EYS: variants seen among roughly 807,000 people sequenced by gnomAD.
EYS encodes EGF-like photoreceptor maintenance factor.
In EYS, 250 loss-of-function variants were observed where a neutral mutation model predicts 282.1. The ratio of observed to expected loss-of-function variants is 0.89; its 90% CI spans 0.80 to 0.98. The LOEUF is 0.98. Ranked by LOEUF, EYS falls within the 50% of genes least tolerant of loss-of-function variation. EYS has a pLI of 0.00. For synonymous variants in EYS, 1,355 were observed against 1,282.9 expected (o/e 1.06, Z -1.20); for missense variants, 4,016 against 3,709.0 (o/e 1.08, Z -2.15).
chr6:64,642,102 T>C (rs1462208544), intron 22 of EYS, among the ~76,000 whole-genome samples: 5 of 152,190 alleles, frequency 3.3e-5, no homozygotes, highest in African/African-American at 1.2e-4. Context: ...CTTGATGGCA[T>C]CATCAAGCTG....
chr6:65,117,773 A>C (rs1015830265), intron 12 of EYS, among the ~76,000 whole-genome samples: 11 of 152,240 alleles, frequency 7.2e-5, no homozygotes, highest in African/African-American at 2.2e-4. Flanking sequence ...CCAAGGAAGA[A>C]TCTGACATAA....
rs570342382 is a variant in EYS at position 65,174,822 on chromosome 6, A to G, written c.2024-117095T>C. On this transcript the variant is annotated intron_variant, in intron 12 of 42. Transcript: ENST00000503581. ...TTACATTTGTATGTATTATAATATG[A>G]TAATACATATCACATTTAACTCATA... Among the ~76,000 whole-genome samples the G allele has an allele frequency of 7.0e-4, 106 of 151,410 alleles. 1 individual carries two copies. The highest frequency in any genetic ancestry group is 2.2e-4 in the Non-Finnish European group (15 of 67,514).
intron 22 of EYS, among the ~76,000 whole-genome samples, chr6:64,695,906 C>A (rs1418993813): frequency 6.6e-6 from 1 of 151,968 alleles, no homozygotes; most frequent in African/African-American, 2.4e-5. Flanking sequence ...GTGACTCTTC[C>A]CACATATGCA....
intron 5 of EYS, among the ~76,000 whole-genome samples, chr6:65,459,742 G>A (rs1323129827): frequency 6.6e-6 from 1 of 150,852 alleles, no homozygotes; most frequent in Non-Finnish European, 1.5e-5. Flanking sequence ...CTGTTTACAT[G>A]GAGAGACAAA....
At chr6:65,332,549 AG>A (rs1769834555) in intron 11 of EYS, 1 of 723,816 alleles carries the variant, frequency 1.4e-6, no homozygotes, top group South Asian at 1.8e-5. Flanking sequence ...TGGTATACAG[AG>A]GGTTTATAGT....
chr6:64,955,488 C>A (rs1053669092), intron 14 of EYS, among the ~76,000 whole-genome samples: 1 of 152,074 alleles, frequency 6.6e-6, no homozygotes, highest in African/African-American at 2.4e-5. Flanking sequence ...CACACTGGCA[C>A]CACCCTTGTG....
chr6:64,876,624 G>A (rs184632339), intron 19 of EYS, among the ~76,000 whole-genome samples: 1 of 152,082 alleles, frequency 6.6e-6, no homozygotes, highest in South Asian at 2.1e-4. Flanking sequence ...GACTTATTAG[G>A]AAGTGCTAAT....
chr6:64,260,213 C>G (rs1276225574), intron 30 of EYS, among the ~76,000 whole-genome samples: 1 of 152,032 alleles, frequency 6.6e-6, no homozygotes, highest in Admixed American at 6.6e-5. Context: ...GTTTCGCTAT[C>G]TTAAACACAG....
At chr6:65,641,642 C>G (rs554546479) in intron 1 of EYS, among the ~76,000 whole-genome samples, 4 of 152,168 alleles carry the variant, frequency 2.6e-5, no homozygotes, top group Non-Finnish European at 5.9e-5. Flanking sequence ...GTCTGTACTG[C>G]GTACTGTTTT....
At chr6:64,404,975 A>T (rs1450715013) in intron 28 of EYS, among the ~76,000 whole-genome samples, 1 of 151,948 alleles carries the variant, frequency 6.6e-6, no homozygotes, top group Non-Finnish European at 1.5e-5. Flanking sequence ...TAACACTCTT[A>T]TTTATTTTAT....
chr6:64,222,256 CAAGT>C (rs766570419), intron 31 of EYS, among the ~76,000 whole-genome samples: 3 of 151,774 alleles, frequency 2.0e-5, no homozygotes, highest in Non-Finnish European at 4.4e-5. Context: ...ATTGTATTTA[CAAGT>C]AAGGGCATGA....
intron 2 of EYS, among the ~76,000 whole-genome samples, chr6:65,566,859 C>A (rs1401604510): frequency 6.6e-6 from 1 of 152,030 alleles, no homozygotes; most frequent in East Asian, 1.9e-4. Context: ...ACAGAAAGTA[C>A]AAAATTACAA....
intron 39 of EYS, among the ~76,000 whole-genome samples, chr6:63,781,534 G>A (rs1346273823): frequency 6.6e-6 from 1 of 152,028 alleles, no homozygotes; most frequent in African/African-American, 2.4e-5. Flanking sequence ...GTTCACTCAT[G>A]ATTTGGCTCT....
At chr6:65,673,701 C>T (rs1355673890) in intron 1 of EYS, among the ~76,000 whole-genome samples, 1 of 151,950 alleles carries the variant, frequency 6.6e-6, no homozygotes, top group Non-Finnish European at 1.5e-5. Context: ...GCCTGAGAAA[C>T]TGCTTGGGTG....
chr6:63,860,813 G>A (rs1166805566), intron 36 of EYS, among the ~76,000 whole-genome samples: 3 of 152,160 alleles, frequency 2.0e-5, no homozygotes, highest in African/African-American at 7.2e-5. Context: ...TCAGGGTATG[G>A]TACTGGCATT....
intron 12 of EYS, among the ~76,000 whole-genome samples, chr6:65,087,306 T>C (rs1158875720): frequency 6.6e-6 from 1 of 152,106 alleles, no homozygotes; most frequent in Non-Finnish European, 1.5e-5. Context: ...GTTTGGTTTA[T>C]TTTCCATTAT....
Position 65,495,539 on chromosome 6 carries a change from A to G in EYS, c.-129T>C. On this transcript the variant is annotated 5_prime_UTR_variant, in exon 4 of 43. Coordinates refer to ENST00000503581, the MANE Select transcript of EYS (RefSeq NM_001142800.2). ...GGGAATTGGAATTGACCTTTTTTCT[A>G]TACCCAAAGTAGCTTTGATGACAAT... The G allele has an allele frequency of 1.1e-6, 1 of 888,948 alleles. No individual in the cohort carries two copies. Among genetic ancestry groups the G allele is most frequent in the Non-Finnish European group, 1.8e-6 (1 of 566,668 alleles). 55.1% of individuals were successfully genotyped at this position (888,948 alleles called of 1,614,324 possible). A position where few individuals can be genotyped will look rare whatever the true frequency, so the allele number is the denominator to read the frequency against.
chr6:64,826,440 G>T (rs1233319980), intron 19 of EYS, among the ~76,000 whole-genome samples: 4 of 151,586 alleles, frequency 2.6e-5, no homozygotes, highest in Non-Finnish European at 5.9e-5. Context: ...AGATTGGAAG[G>T]TTACCTGTGA....
At chr6:64,151,851 A>G (rs1774751628) in intron 31 of EYS, among the ~76,000 whole-genome samples, 1 of 152,218 alleles carries the variant, frequency 6.6e-6, no homozygotes, top group African/African-American at 2.4e-5. Flanking sequence ...AATTTATTAT[A>G]GCAAGCAAAT....
Sources: gnomAD v4.1 joint callset for allele counts (sites outside exome capture counted in the v4.1 genomes callset) on GRCh38, gnomAD v4.1.1 for gene constraint, MANE v1.5 for transcripts, NCBI Gene and HGNC (gene_info 2026-07-23, HGNC 2026-07-21) for gene names.